The following CACNA2D3 variants were observed in gnomAD, a reference collection of about 807,000 sequenced individuals.
CACNA2D3 encodes the protein voltage-dependent calcium channel subunit alpha-2/delta-3.
A neutral mutation model predicts 160.6 loss-of-function variants in CACNA2D3; 60 were observed. That is an observed-to-expected ratio of 0.37 (90% CI 0.30 to 0.46). CACNA2D3 has a LOEUF of 0.46. Ranked by LOEUF, CACNA2D3 falls within the 20% of genes least tolerant of loss-of-function variation. The pLI, the probability that CACNA2D3 is intolerant of heterozygous loss-of-function variation, is 1.00. For synonymous variants in CACNA2D3, 558 were observed against 492.9 expected (o/e 1.13, Z -1.75); for missense variants, 1,205 against 1,365.0 (o/e 0.88, Z 1.85).
At chr3:54,446,156 T>C (rs1369630389) in intron 4 of CACNA2D3, among the ~76,000 whole-genome samples, 2 of 152,256 alleles carry the variant, frequency 1.3e-5, no homozygotes, top group African/African-American at 4.8e-5. Flanking sequence ...TCCTAACCTG[T>C]ACTTTTACAA....
rs140255809 is a variant in CACNA2D3, at chr3:54,540,836, A to G, written c.545-21964A>G. Reference sequence around the variant, plus strand: ...ATTATTGTAGGTATCCCCACAATCTATGAATTCTGTGGGGACATAAACATT... The same window carrying G: ...ATTATTGTAGGTATCCCCACAATCTGTGAATTCTGTGGGGACATAAACATT... On this transcript the variant is annotated intron_variant, in intron 5 of 37. Transcript: ENST00000474759. Among the ~76,000 whole-genome samples, 62 of 152,292 alleles carry G rather than the reference A, an allele frequency of 4.1e-4. No homozygotes were observed. In the East Asian group the frequency reaches 0.011, roughly 26 times the overall value.
At chr3:55,046,222 G>C (rs914394090) in intron 35 of CACNA2D3, among the ~76,000 whole-genome samples, 2 of 144,784 alleles carry the variant, frequency 1.4e-5, no homozygotes, top group African/African-American at 5.2e-5. Flanking sequence ...TCTAGCATTA[G>C]GTATATCTCC....
At chr3:54,385,459 T>C (rs998249685) in intron 3 of CACNA2D3, among the ~76,000 whole-genome samples, 4 of 152,182 alleles carry the variant, frequency 2.6e-5, no homozygotes, top group African/African-American at 7.2e-5. Context: ...GATTGTTCTT[T>C]GACCAGTGAA....
intron 2 of CACNA2D3, among the ~76,000 whole-genome samples, chr3:54,180,303 A>G (rs1007244758): frequency 6.6e-6 from 1 of 152,058 alleles, no homozygotes; most frequent in Admixed American, 6.5e-5. Context: ...TCTGCTGTGC[A>G]CTTGCTTTGT....
chr3:54,326,913 T>A (rs1483425346), intron 3 of CACNA2D3, among the ~76,000 whole-genome samples: 1 of 152,222 alleles, frequency 6.6e-6, no homozygotes, highest in Non-Finnish European at 1.5e-5. Context: ...ACTATTAATT[T>A]TTTATGTTGA....
intron 28 of CACNA2D3, 141 bp downstream of exon 28, chr3:54,968,652 A>G: frequency 1.6e-6 from 1 of 637,818 alleles, no homozygotes; most frequent in Non-Finnish European, 2.8e-6. Context: ...ATTACCTTTC[A>G]TTTCACTGCA....
At chr3:54,535,068 T>C (rs1004968469) in intron 5 of CACNA2D3, among the ~76,000 whole-genome samples, 4 of 152,252 alleles carry the variant, frequency 2.6e-5, no homozygotes, top group African/African-American at 9.6e-5. Context: ...TCCAGTAGAA[T>C]GCAAGCTCCA....
At position 54,215,653 on chromosome 3, in the gene CACNA2D3, A is replaced by G. The variant is rs183163440; in HGVS notation, c.204+92059A>G. The stretch of plus-strand genomic sequence containing the variant: ...TGGGAGGTGGGGCCATGCATCCTTT[A>G]CTTTTTAACCTGTTACTCAGCCGCA... On this transcript the variant is annotated intron_variant, in intron 2 of 37. Coordinates refer to ENST00000474759, the MANE Select transcript of CACNA2D3 (RefSeq NM_018398.3). Among the ~76,000 whole-genome samples the G allele has an allele frequency of 7.2e-5, 11 of 152,238 alleles. No individual in the cohort carries two copies. In the East Asian group the frequency reaches 1.7e-3, roughly 24 times the overall value.
rs530943240 is a variant in CACNA2D3 at position 54,375,769 on chromosome 3, A to G, written c.322-10946A>G. ...ACCATGTGAGATTGCCAGAAAAAGAATGGGATCCAGGGCACTGAGTGCCAA... is the reference window on the plus strand; with the variant it reads ...ACCATGTGAGATTGCCAGAAAAAGAGTGGGATCCAGGGCACTGAGTGCCAA... On this transcript the variant is annotated intron_variant, in intron 3 of 37. Coordinates refer to ENST00000474759, the MANE Select transcript of CACNA2D3 (RefSeq NM_018398.3). Among the ~76,000 whole-genome samples, 3 of 152,244 alleles carry G rather than the reference A, an allele frequency of 2.0e-5. No homozygotes were observed. In the East Asian group the frequency reaches 5.8e-4, roughly 30 times the overall value.
intron 2 of CACNA2D3, among the ~76,000 whole-genome samples, chr3:54,200,589 T>C (rs1461076709): frequency 6.6e-6 from 1 of 152,192 alleles, no homozygotes. Flanking sequence ...TCTCCAGCTT[T>C]AGTGGTGGAT....
At chr3:54,390,575 C>T (rs1459378451) in intron 4 of CACNA2D3, among the ~76,000 whole-genome samples, 2 of 152,180 alleles carry the variant, frequency 1.3e-5, no homozygotes, top group Non-Finnish European at 2.9e-5. Context: ...ACTGGTGCTC[C>T]GACCTCAGTG....
intron 11 of CACNA2D3, among the ~76,000 whole-genome samples, chr3:54,733,686 A>T (rs1471986052): frequency 6.6e-6 from 1 of 152,222 alleles, no homozygotes; most frequent in African/African-American, 2.4e-5. Flanking sequence ...TAGAGAACAC[A>T]TGCATGTTGT....
Position 55,040,266 on chromosome 3 carries a change from A to G in CACNA2D3, c.2987+21949A>G, listed in dbSNP as rs191960214. On this transcript the variant is annotated intron_variant, in intron 35 of 37. Coordinates refer to ENST00000474759, the MANE Select transcript of CACNA2D3 (RefSeq NM_018398.3). ...TCTAAAGACCATCACATTGCAGGTA[A>G]GAGTTTCAACATATGACTCTGGGTG... 1.2e-3 allele frequency among the ~76,000 whole-genome samples: 189 copies of G among 152,318 alleles called. 2 individuals carry two copies. The highest frequency in any genetic ancestry group is 8.1e-4 in the Non-Finnish European group (55 of 68,032).
intron 2 of CACNA2D3, among the ~76,000 whole-genome samples, chr3:54,302,995 T>G (rs1703514275): frequency 1.3e-5 from 2 of 152,084 alleles, no homozygotes; most frequent in Non-Finnish European, 2.9e-5. Context: ...CTCTTGTCTC[T>G]GGTCTTTCCC....
intron 3 of CACNA2D3, among the ~76,000 whole-genome samples, chr3:54,383,232 C>T (rs755897185): frequency 3.9e-5 from 6 of 152,184 alleles, no homozygotes; most frequent in Non-Finnish European, 8.8e-5. Flanking sequence ...GGAAAGATTA[C>T]TGTCCTTTGT....
intron 2 of CACNA2D3, among the ~76,000 whole-genome samples, chr3:54,233,648 C>A (rs1003036502): frequency 3.3e-5 from 5 of 152,184 alleles, no homozygotes; most frequent in South Asian, 4.1e-4. Context: ...GGACAGAATT[C>A]TTGTAGCATT....
intron 4 of CACNA2D3, among the ~76,000 whole-genome samples, chr3:54,493,121 A>C (rs1701141957): frequency 8.5e-6 from 1 of 117,418 alleles, no homozygotes; most frequent in African/African-American, 3.4e-5. Flanking sequence ...TCTGTCACCC[A>C]GGCTGGAGTA....
rs147474887 is a variant in CACNA2D3, at chr3:54,282,158, C to T, written c.205-38284C>T. 6.8e-3 allele frequency among the ~76,000 whole-genome samples: 1,039 copies of T among 151,922 alleles called. 9 individuals are homozygous for T. The highest frequency in any genetic ancestry group is 0.01 in the Non-Finnish European group (706 of 67,996). On this transcript the variant is annotated intron_variant, in intron 2 of 37. Transcript: ENST00000474759. ...CCAGTTTGTTAAAATGCATGTTGAA[C>T]GCTGAGAAAAAAAATATTAAGCTAG...
chr3:54,945,303 G>A (rs185656346), intron 27 of CACNA2D3, among the ~76,000 whole-genome samples: 3 of 152,346 alleles, frequency 2.0e-5, no homozygotes, highest in East Asian at 3.9e-4. Context: ...CTGTGGCAGT[G>A]GTTAGAATTG....
Sources: gnomAD v4.1 joint callset for allele counts (sites outside exome capture counted in the v4.1 genomes callset) on GRCh38, gnomAD v4.1.1 for gene constraint, MANE v1.5 for transcripts, NCBI Gene and HGNC (gene_info 2026-07-23, HGNC 2026-07-21) for gene names.